The following GPSM2 variants were observed in gnomAD, a reference collection of about 807,000 sequenced individuals.
The protein encoded by GPSM2 is G protein-signaling modulator 2.
In GPSM2, 58 loss-of-function variants were observed where a neutral mutation model predicts 78.4. The observed-to-expected ratio is 0.74, with a 90% CI of 0.60 to 0.92. The LOEUF (loss-of-function observed/expected upper bound fraction) is 0.92. Among genes scored for constraint, GPSM2 ranks in the 40% least tolerant of loss-of-function variants. GPSM2 has a pLI of 0.00. For synonymous variants in GPSM2, 224 were observed against 280.2 expected (o/e 0.80, Z 2.00); for missense variants, 700 against 815.5 (o/e 0.86, Z 1.73).
chr1:108,909,139 T>C (rs183751317), intron 10 of GPSM2, among the ~76,000 whole-genome samples: 21 of 152,246 alleles, frequency 1.4e-4, no homozygotes, highest in Non-Finnish European at 2.6e-4. Context: ...ACCAAAAAAC[T>C]ACACACGTAT....
intron 7 of GPSM2, 92 bp downstream of exon 7, chr1:108,899,086 CT>C: frequency 1.3e-6 from 1 of 778,978 alleles, no homozygotes; most frequent in South Asian, 1.5e-5. Context: ...TGTAGCAGAA[CT>C]TTTGGCATCT....
At position 108,931,746 on chromosome 1, in the gene GPSM2, A is replaced by T. The variant is rs973656678; in HGVS notation, c.*1806A>T. On this transcript the variant is annotated 3_prime_UTR_variant, in exon 15 of 15. Coordinates refer to ENST00000264126, the MANE Select transcript of GPSM2 (RefSeq NM_013296.5). Reference sequence around the variant, plus strand: ...CTCAGGTAAGTTTCATGGGGTTCTTATAAGAAAATTCAGTTAAGACAATAT... The same window carrying T: ...CTCAGGTAAGTTTCATGGGGTTCTTTTAAGAAAATTCAGTTAAGACAATAT... 2 of 308,698 alleles carry T rather than the reference A, an allele frequency of 6.5e-6. No homozygotes were observed. Among genetic ancestry groups the T allele is most frequent in the Non-Finnish European group, 1.1e-5 (2 of 177,598 alleles). The allele number at this position is 308,698 out of a possible 1,614,324, so 19.1% of individuals were successfully genotyped here.
At chr1:108,889,256 G>A (rs1258844402) in intron 2 of GPSM2, among the ~76,000 whole-genome samples, 2 of 152,170 alleles carry the variant, frequency 1.3e-5, no homozygotes, top group Admixed American at 6.5e-5. Context: ...CCACCCTACT[G>A]CTGTGTCTGG....
intron 2 of GPSM2, among the ~76,000 whole-genome samples, chr1:108,894,193 G>A (rs1648186696): frequency 6.6e-6 from 1 of 151,568 alleles, no homozygotes; most frequent in Non-Finnish European, 1.5e-5. Flanking sequence ...CAATTCTAAA[G>A]GGCAGTTTTC....
intron 1 of GPSM2, among the ~76,000 whole-genome samples, chr1:108,882,141 G>A (rs895278033): frequency 6.6e-6 from 1 of 152,086 alleles, no homozygotes; most frequent in African/African-American, 2.4e-5. Flanking sequence ...TTGTAGAAAC[G>A]GGGTCTTGTA....
At chr1:108,885,699 G>A in intron 2 of GPSM2, 121 bp downstream of exon 2, 3 of 706,502 alleles carry the variant, frequency 4.2e-6, no homozygotes, top group South Asian at 3.3e-5. Context: ...AGTATTGTCT[G>A]TAGACAATAT....
intron 14 of GPSM2, among the ~76,000 whole-genome samples, chr1:108,929,168 G>GAT (rs1174983419): frequency 1.3e-5 from 2 of 152,118 alleles, no homozygotes; most frequent in African/African-American, 4.8e-5. Context: ...CAGCCATATA[G>GAT]ATAGTATATA....
At position 108,887,257 on chromosome 1, in the gene GPSM2, A is replaced by T. The variant is rs547234393; in HGVS notation, c.56+1679A>T. On this transcript the variant is annotated intron_variant, in intron 2 of 14. Transcript: ENST00000264126. ...TGGCAGCTAATGCAAATTTTTTTTTAAAAATGTGGGTTGAACATTTTAAGG... is the reference window on the plus strand; with the variant it reads ...TGGCAGCTAATGCAAATTTTTTTTTTAAAATGTGGGTTGAACATTTTAAGG... 2.4e-4 allele frequency among the ~76,000 whole-genome samples: 36 copies of T among 151,882 alleles called. 1 individual carries two copies. Among genetic ancestry groups the T allele is most frequent in the Admixed American group, 4.6e-4 (7 of 15,278 alleles).
intron 10 of GPSM2, among the ~76,000 whole-genome samples, chr1:108,906,830 GCT>G (rs1421687769): frequency 6.6e-6 from 1 of 152,072 alleles, no homozygotes; most frequent in African/African-American, 2.4e-5. Context: ...ATGGAATCTC[GCT>G]CTGTCGCCCA....
Position 108,929,972 on chromosome 1 carries a change from C to G in GPSM2, c.*32C>G, listed in dbSNP as rs1350670831. 6.3e-7 allele frequency: 1 copy of G among 1,591,218 alleles called. No homozygotes were observed. Among genetic ancestry groups the G allele is most frequent in the Non-Finnish European group, 8.6e-7 (1 of 1,160,824 alleles). On this transcript the variant is annotated 3_prime_UTR_variant, in exon 15 of 15. Transcript: ENST00000264126. ...TGGATTTATTTTTTTTCCTTTCAAA[C>G]ACGGTAAGGAAACAATCTATTACTT...
chr1:108,909,197 T>C (rs1468947972), intron 10 of GPSM2, among the ~76,000 whole-genome samples: 1 of 152,190 alleles, frequency 6.6e-6, no homozygotes, highest in Non-Finnish European at 1.5e-5. Flanking sequence ...TGTTGTATGT[T>C]TGTGTATGTT....
At chr1:108,903,065 TTATTC>T in intron 8 of GPSM2, 56 bp from the exon 9 acceptor site, 1 of 1,001,014 alleles carries the variant, frequency 1.0e-6, no homozygotes, top group South Asian at 1.3e-5. Flanking sequence ...TAGATAGCTT[TTATTC>T]TATACATAGG....
intron 10 of GPSM2, among the ~76,000 whole-genome samples, chr1:108,911,203 A>G (rs1649712124): frequency 6.6e-6 from 1 of 152,176 alleles, no homozygotes; most frequent in Non-Finnish European, 1.5e-5. Context: ...AATAGATAAA[A>G]TGTACTTTAA....
intron 2 of GPSM2, among the ~76,000 whole-genome samples, chr1:108,895,824 AT>A (rs1413531014): frequency 6.6e-6 from 1 of 152,190 alleles, no homozygotes; most frequent in East Asian, 1.9e-4. Context: ...CCATGGAAAA[AT>A]TGTCTTCCAC....
intron 8 of GPSM2, 103 bp downstream of exon 8, chr1:108,902,048 C>A: frequency 3.7e-6 from 3 of 813,622 alleles, no homozygotes; most frequent in Middle Eastern, 3.3e-4. Context: ...TCCTTAAAAT[C>A]CCTTTTAAGG....
At chr1:108,918,538 A>G (rs1557876223) in intron 11 of GPSM2, 75 bp from the exon 12 acceptor site, 1 of 1,066,540 alleles carries the variant, frequency 9.4e-7, no homozygotes, top group South Asian at 1.3e-5. Flanking sequence ...CGTCAGGTTA[A>G]TATTATGGGA....
At chr1:108,903,544 G>T (rs1648988195) in intron 9 of GPSM2, among the ~76,000 whole-genome samples, 1 of 152,062 alleles carries the variant, frequency 6.6e-6, no homozygotes, top group African/African-American at 2.4e-5. Flanking sequence ...GGAAAAGCAT[G>T]GTTCTTAGAA....
chr1:108,880,001 G>A (rs147758546), intron 1 of GPSM2, among the ~76,000 whole-genome samples: 62 of 152,134 alleles, frequency 4.1e-4, no homozygotes, highest in African/African-American at 1.4e-3. Flanking sequence ...TCCCTTGACT[G>A]GAATGCCTTT....
chr1:108,892,559 G>A (rs1445056196), intron 2 of GPSM2, among the ~76,000 whole-genome samples: 2 of 152,134 alleles, frequency 1.3e-5, no homozygotes, highest in Non-Finnish European at 2.9e-5. Context: ...AGCTAGATAG[G>A]CTCTCAGAAG....
Sources: allele counts gnomAD v4.1 joint callset (sites outside exome capture counted in the v4.1 genomes callset), GRCh38; gene constraint gnomAD v4.1.1; transcripts MANE v1.5; gene names NCBI Gene and HGNC (gene_info 2026-07-23, HGNC 2026-07-21).